Variants in RORA observed in about 807,000 individuals in gnomAD.
RORA encodes nuclear receptor ROR-alpha.
In RORA, 7 loss-of-function variants were observed where a neutral mutation model predicts 69.5. The ratio of observed to expected loss-of-function variants is 0.10; its 90% confidence interval spans 0.06 to 0.19. The LOEUF (loss-of-function observed/expected upper bound fraction) is 0.19. Ranked by LOEUF, RORA falls within the 10% of genes least tolerant of loss-of-function variation. RORA has a pLI of 1.00. For synonymous variants in RORA, 261 were observed against 240.8 expected (o/e 1.08, Z -0.78); for missense variants, 457 against 663.0 (o/e 0.69, Z 3.41).
At position 60,805,289 on chromosome 15, in the gene RORA, C is replaced by T. The variant is rs184810597; in HGVS notation, c.167-126603G>A. ...ATAAAACCATGTCAGTCATTTGAAC[C>T]AGAAACAACAGTCCAACAGGGCTGG... On this transcript the variant is annotated intron_variant, in intron 1 of 10. Coordinates refer to ENST00000335670, the MANE Select transcript of RORA (RefSeq NM_134261.3). Among the ~76,000 whole-genome samples the T allele has an allele frequency of 5.9e-4, 90 of 152,324 alleles. No individual in the cohort carries two copies. In the East Asian group the frequency reaches 0.014, roughly 23 times the overall value.
intron 1 of RORA, among the ~76,000 whole-genome samples, chr15:60,817,445 T>C (rs955297334): frequency 6.6e-6 from 1 of 152,206 alleles, no homozygotes; most frequent in African/African-American, 2.4e-5. Flanking sequence ...TGTGTAAAAA[T>C]ATGCAGTATC....
intron 1 of RORA, among the ~76,000 whole-genome samples, chr15:60,931,788 A>G (rs1892380540): frequency 6.6e-6 from 1 of 152,264 alleles, no homozygotes; most frequent in African/African-American, 2.4e-5. Flanking sequence ...CTTCTGCCTT[A>G]TGAGGCTGAT....
At chr15:60,561,965 C>T (rs757538984) in intron 2 of RORA, among the ~76,000 whole-genome samples, 5 of 151,472 alleles carry the variant, frequency 3.3e-5, no homozygotes, top group East Asian at 3.9e-4. Context: ...TTTTTTGAGA[C>T]GGAGTTTTGC....
chr15:61,041,352 A>T (rs775959638), intron 1 of RORA, among the ~76,000 whole-genome samples: 1 of 152,180 alleles, frequency 6.6e-6, no homozygotes, highest in African/African-American at 2.4e-5. Flanking sequence ...GATGAATTCA[A>T]TGAGCTATCA....
At chr15:60,858,896 G>T (rs1428737879) in intron 1 of RORA, among the ~76,000 whole-genome samples, 2 of 151,974 alleles carry the variant, frequency 1.3e-5, no homozygotes, top group Non-Finnish European at 2.9e-5. Flanking sequence ...ATTAGATTGT[G>T]CAGCCGAAAG....
At chr15:61,037,486 T>C (rs80272304) in intron 1 of RORA, among the ~76,000 whole-genome samples, 19,532 of 152,174 alleles carry the variant, frequency 0.13, 1,618 homozygotes, top group Middle Eastern at 0.21. Flanking sequence ...CTAACAATCC[T>C]CTTGGGCACA....
At chr15:60,896,916 A>G (rs976940915) in intron 1 of RORA, among the ~76,000 whole-genome samples, 3 of 152,138 alleles carry the variant, frequency 2.0e-5, no homozygotes, top group African/African-American at 7.2e-5. Flanking sequence ...GTAGTACTCA[A>G]TAAGAAAATT....
At chr15:60,795,858 G>A (rs1375835827) in intron 1 of RORA, among the ~76,000 whole-genome samples, 1 of 152,184 alleles carries the variant, frequency 6.6e-6, no homozygotes, top group Non-Finnish European at 1.5e-5. Context: ...ACAAAGTAAT[G>A]TAATGGAGAT....
intron 1 of RORA, among the ~76,000 whole-genome samples, chr15:61,144,205 G>A (rs980943386): frequency 6.6e-6 from 1 of 152,188 alleles, no homozygotes; most frequent in Non-Finnish European, 1.5e-5. Flanking sequence ...CACAGAGGAA[G>A]GAAAGGAGCC....
intron 2 of RORA, among the ~76,000 whole-genome samples, chr15:60,668,660 G>A (rs538542063): frequency 7.9e-5 from 12 of 152,096 alleles, no homozygotes; most frequent in Non-Finnish European, 1.6e-4. Context: ...CAATTATCCC[G>A]ACGCCCCAAC....
At chr15:60,705,668 G>C (rs1282591209) in intron 1 of RORA, among the ~76,000 whole-genome samples, 1 of 152,082 alleles carries the variant, frequency 6.6e-6, no homozygotes, top group African/African-American at 2.4e-5. Context: ...GTTAGAATTA[G>C]AAATCCATCC....
chr15:60,639,530 G>A (rs1040047104), intron 2 of RORA, among the ~76,000 whole-genome samples: 7 of 152,088 alleles, frequency 4.6e-5, no homozygotes, highest in Non-Finnish European at 1.0e-4. Flanking sequence ...ATTTCCTTCC[G>A]CTCAGATACT....
At chr15:60,619,191 T>C in intron 2 of RORA, among the ~76,000 whole-genome samples, 1 of 152,236 alleles carries the variant, frequency 6.6e-6, no homozygotes, top group East Asian at 1.9e-4. Flanking sequence ...CAGGATTCAG[T>C]GGTGCTTTCT....
At chr15:61,166,961 C>T (rs1338711841) in intron 1 of RORA, among the ~76,000 whole-genome samples, 1 of 152,184 alleles carries the variant, frequency 6.6e-6, no homozygotes, top group East Asian at 1.9e-4. Flanking sequence ...ATGCTCACCC[C>T]TTCTTAAGAC....
rs1567051782 is a variant in RORA at position 60,516,077 on chromosome 15, T to TTATATATA, written c.283-1321_283-1320insTATATATA. 1.6e-4 allele frequency among the ~76,000 whole-genome samples: 5 copies of TTATATATA among 30,408 alleles called. 1 individual carries two copies. The highest frequency in any genetic ancestry group is 6.5e-4 in the African/African-American group (4 of 6,130). The allele number at this position is 30,408 out of a possible 152,430, so 19.9% of individuals were successfully genotyped here. A position where few individuals can be genotyped will look rare whatever the true frequency, so the allele number is the denominator to read the frequency against. ...TATATTTATATATATTTATATATAT[T>TTATATATA]TATTTATATATATTTATATATATTT... On this transcript the variant is annotated intron_variant, in intron 3 of 10. Coordinates refer to ENST00000335670, the MANE Select transcript of RORA (RefSeq NM_134261.3).
At position 61,222,094 on chromosome 15, in the gene RORA, C is replaced by T. The variant is rs113057079; in HGVS notation, c.166+6959G>A. 3.3e-3 allele frequency among the ~76,000 whole-genome samples: 509 copies of T among 152,252 alleles called. 5 individuals carry two copies. The highest frequency in any genetic ancestry group is 0.012 in the African/African-American group (481 of 41,558). Reference sequence around the variant, plus strand: ...TCCTACTCATTTCCATCCTCTGACACAGAGTTTCAGAGAAAACATCTATGG... The same window carrying T: ...TCCTACTCATTTCCATCCTCTGACATAGAGTTTCAGAGAAAACATCTATGG... On this transcript the variant is annotated intron_variant, in intron 1 of 10. Coordinates refer to ENST00000335670, the MANE Select transcript of RORA (RefSeq NM_134261.3).
intron 1 of RORA, among the ~76,000 whole-genome samples, chr15:61,184,108 T>G (rs751515129): frequency 6.6e-6 from 1 of 152,212 alleles, no homozygotes; most frequent in Non-Finnish European, 1.5e-5. Context: ...GAGAATGTAC[T>G]TGCTTCCCAC....
At chr15:60,811,475 T>G (rs2140367667) in intron 1 of RORA, among the ~76,000 whole-genome samples, 1 of 152,358 alleles carries the variant, frequency 6.6e-6, no homozygotes, top group African/African-American at 2.4e-5. Context: ...GGGTTATTCT[T>G]GAAAAAGACT....
At chr15:60,818,690 G>C (rs10519076) in intron 1 of RORA, among the ~76,000 whole-genome samples, 24,078 of 152,134 alleles carry the variant, frequency 0.16, 2,158 homozygotes, top group East Asian at 0.28. Flanking sequence ...TTTGAAGAGT[G>C]GATTCTTGCT....
Sources: allele counts gnomAD v4.1 joint callset (sites outside exome capture counted in the v4.1 genomes callset), GRCh38; gene constraint gnomAD v4.1.1; transcripts MANE v1.5; gene names NCBI Gene and HGNC (gene_info 2026-07-23, HGNC 2026-07-21).